The following THADA variants were observed in gnomAD, a reference collection of about 807,000 sequenced individuals.
The protein encoded by THADA is tRNA (32-2'-O)-methyltransferase regulator THADA.
THADA carries 213 observed loss-of-function variants against 219.8 expected under a neutral mutation model. That is an observed-to-expected ratio of 0.97 (90% CI 0.87 to 1.09). THADA has a LOEUF of 1.09. Ranked by LOEUF, THADA falls within the 50% of genes least tolerant of loss-of-function variation. The probability of loss-of-function intolerance (pLI) is 0.00; values close to 1 mark genes in which losing one functional copy is unlikely to be tolerated. For missense variants in THADA, 2,956 were observed against 2,311.3 expected (o/e 1.28, Z -5.72); for synonymous variants, 1,018 against 828.9 (o/e 1.23, Z -3.92).
At chr2:43,266,575 C>G (rs370924153) in intron 36 of THADA, among the ~76,000 whole-genome samples, 1 of 152,156 alleles carries the variant, frequency 6.6e-6, no homozygotes, top group African/African-American at 2.4e-5. Flanking sequence ...TGCACTCCAG[C>G]CTGGGCGACA....
chr2:43,514,637 TTA>T lies in THADA; in HGVS notation c.3375-5859_3375-5858del, dbSNP rs1245848378. Among the ~76,000 whole-genome samples, 156 of 98,938 alleles carry T rather than the reference TTA, an allele frequency of 1.6e-3. 5 individuals are homozygous for T. Among genetic ancestry groups the T allele is most frequent in the African/African-American group, 6.5e-3 (146 of 22,508 alleles). 64.9% of individuals were successfully genotyped at this position (98,938 alleles called of 152,430 possible). A position where few individuals can be genotyped will look rare whatever the true frequency, so the allele number is the denominator to read the frequency against. ...TATATATTTTATATATATGTATATTTTATATATAATATATATATTGTATATAA... is the reference window on the plus strand; with the variant it reads ...TATATATTTTATATATATGTATATTTTATATAATATATATATTGTATATAA... On this transcript the variant is annotated intron_variant, in intron 22 of 37. Coordinates refer to ENST00000405975, the MANE Select transcript of THADA (RefSeq NM_022065.5).
At chr2:43,431,270 C>T (rs953430416) in intron 26 of THADA, among the ~76,000 whole-genome samples, 1 of 152,086 alleles carries the variant, frequency 6.6e-6, no homozygotes, top group Non-Finnish European at 1.5e-5. Flanking sequence ...ATCAAGTGTA[C>T]CATTCAACCC....
chr2:43,323,447 T>C (rs1425984522), intron 30 of THADA, among the ~76,000 whole-genome samples: 3 of 152,202 alleles, frequency 2.0e-5, no homozygotes, highest in Non-Finnish European at 4.4e-5. Context: ...TACTCTTCCA[T>C]CCACTATGGA....
intron 28 of THADA, among the ~76,000 whole-genome samples, chr2:43,405,796 T>C (rs1675458629): frequency 6.6e-6 from 1 of 152,212 alleles, no homozygotes; most frequent in Admixed American, 6.5e-5. Context: ...TCAGGTAGAA[T>C]GTTTACATAC....
intron 29 of THADA, among the ~76,000 whole-genome samples, chr2:43,365,298 C>T (rs756618731): frequency 9.2e-5 from 14 of 151,964 alleles, no homozygotes; most frequent in African/African-American, 2.2e-4. Flanking sequence ...TACGCAGATT[C>T]GGTGGCTTAC....
intron 21 of THADA, among the ~76,000 whole-genome samples, chr2:43,539,279 G>C (rs535382464): frequency 1.3e-5 from 2 of 152,302 alleles, no homozygotes; most frequent in East Asian, 3.9e-4. Flanking sequence ...GCTCTTGGAA[G>C]GGTGTACCTC....
At chr2:43,494,109 C>G (rs560014965) in intron 25 of THADA, among the ~76,000 whole-genome samples, 2 of 152,310 alleles carry the variant, frequency 1.3e-5, no homozygotes, top group East Asian at 3.9e-4. Flanking sequence ...TCTGGCTTCC[C>G]TAGCAGCTGC....
chr2:43,244,336 G>C (rs1668914318), intron 36 of THADA, among the ~76,000 whole-genome samples: 1 of 152,212 alleles, frequency 6.6e-6, no homozygotes. Flanking sequence ...TAGCAAATAA[G>C]GAATGGATTC....
At chr2:43,451,867 G>A (rs2104897601) in intron 26 of THADA, among the ~76,000 whole-genome samples, 1 of 152,334 alleles carries the variant, frequency 6.6e-6, no homozygotes, top group Admixed American at 6.5e-5. Context: ...AGCACTTCGG[G>A]AGGCTGAGGC....
intron 36 of THADA, among the ~76,000 whole-genome samples, chr2:43,256,322 C>T (rs75281235): frequency 6.6e-6 from 1 of 151,736 alleles, no homozygotes; most frequent in Non-Finnish European, 1.5e-5. Context: ...CCAGCCTGAG[C>T]AGCACAGCGA....
intron 30 of THADA, among the ~76,000 whole-genome samples, chr2:43,333,708 A>C (rs1458399427): frequency 6.6e-6 from 1 of 152,192 alleles, no homozygotes; most frequent in Non-Finnish European, 1.5e-5. Context: ...ATGCCACATG[A>C]TCATCTGAAT....
rs578022219 is a variant in THADA at position 43,266,804 on chromosome 2, C to T, written c.5296+12961G>A. 1.7e-4 allele frequency among the ~76,000 whole-genome samples: 26 copies of T among 152,168 alleles called. No individual in the cohort carries two copies. The South Asian group carries it at 3.9e-3, about 23-fold the overall frequency. ...GAGGGCATGGGGCTGGGTAGAATCG[C>T]GACACTTAACCAGGTTGACTGGCAC... On this transcript the variant is annotated intron_variant, in intron 36 of 37. Transcript: ENST00000405975.
chr2:43,444,468 G>T (rs1476093505), intron 26 of THADA, among the ~76,000 whole-genome samples: 1 of 152,132 alleles, frequency 6.6e-6, no homozygotes, highest in Non-Finnish European at 1.5e-5. Context: ...TCTAATCTTG[G>T]TAATGCCAAG....
chr2:43,264,124 T>C (rs1474723765), intron 36 of THADA, among the ~76,000 whole-genome samples: 1 of 152,076 alleles, frequency 6.6e-6, no homozygotes, highest in East Asian at 1.9e-4. Context: ...CGGGGCACCT[T>C]GCCTATTGGG....
intron 26 of THADA, among the ~76,000 whole-genome samples, chr2:43,471,128 T>C (rs1005909635): frequency 6.6e-6 from 1 of 152,150 alleles, no homozygotes; most frequent in African/African-American, 2.4e-5. Context: ...TACCAAAAAT[T>C]ACAAATTTCA....
chr2:43,583,848 G>C (rs891513548), intron 7 of THADA, among the ~76,000 whole-genome samples: 1 of 151,986 alleles, frequency 6.6e-6, no homozygotes, highest in Admixed American at 6.6e-5. Flanking sequence ...TTTGAAACCA[G>C]CCAGGGCAAC....
At chr2:43,356,023 G>T (rs1371021021) in intron 29 of THADA, among the ~76,000 whole-genome samples, 1 of 152,196 alleles carries the variant, frequency 6.6e-6, no homozygotes, top group East Asian at 1.9e-4. Flanking sequence ...TTATGATGTA[G>T]TGCAGAAAGT....
chr2:43,354,558 T>C (rs557035552), intron 29 of THADA, among the ~76,000 whole-genome samples: 3 of 152,170 alleles, frequency 2.0e-5, no homozygotes, highest in African/African-American at 7.2e-5. Flanking sequence ...TCTATCTCCA[T>C]GAGTTCAATT....
chr2:43,540,223 G>T (rs974268862), intron 21 of THADA, among the ~76,000 whole-genome samples: 3 of 152,208 alleles, frequency 2.0e-5, no homozygotes, highest in Non-Finnish European at 4.4e-5. Context: ...ATTTGATTTG[G>T]AAGAGAATAA....
Sources: gnomAD v4.1 joint callset for allele counts (sites outside exome capture counted in the v4.1 genomes callset) on GRCh38, gnomAD v4.1.1 for gene constraint, MANE v1.5 for transcripts, NCBI Gene and HGNC (gene_info 2026-07-23, HGNC 2026-07-21) for gene names.